SLC9C2: variants seen among roughly 807,000 people sequenced by gnomAD.
The protein encoded by SLC9C2 is solute carrier family 9 member C2 (putative).
A neutral mutation model predicts 140.2 loss-of-function variants in SLC9C2; 75 were observed. That is an observed-to-expected ratio of 0.53 (90% CI 0.44 to 0.65). SLC9C2 has a LOEUF of 0.65. Ranked by LOEUF, SLC9C2 falls within the 30% of genes least tolerant of loss-of-function variation. The pLI, the probability that SLC9C2 is intolerant of heterozygous loss-of-function variation, is 0.00. For missense variants in SLC9C2, 1,074 were observed against 1,331.8 expected (o/e 0.81, Z 3.01); for synonymous variants, 375 against 420.9 (o/e 0.89, Z 1.34).
intron 9 of SLC9C2, chr1:173,571,727 G>A (rs1400353146): frequency 6.6e-6 from 1 of 152,036 alleles, no homozygotes; most frequent in Non-Finnish European, 1.5e-5. Context: ...TGTCCTAAGT[G>A]CCTGGAACAA....
intron 13 of SLC9C2, among the ~76,000 whole-genome samples, chr1:173,546,205 G>A (rs1662836125): frequency 6.6e-6 from 1 of 152,178 alleles, no homozygotes; most frequent in African/African-American, 2.4e-5. Flanking sequence ...GTATAGAAAT[G>A]TTTAAAAGAA....
Position 173,548,388 on chromosome 1 carries a change from CAGGAATGT to C in SLC9C2, c.1454_1461del (p.Tyr485PhefsTer7), listed in dbSNP as rs1287513768. ...CTACTTTTTGCCAGGTATCAACTCA[CAGGAATGT>C]ATTCGATCCTCGTTTTATCTTCTAC... On this transcript the variant is annotated frameshift_variant and splice_region_variant, in exon 12 of 28. Coordinates refer to ENST00000367714, the MANE Select transcript of SLC9C2 (RefSeq NM_178527.4). LOFTEE classifies it high-confidence loss of function. The C allele has an allele frequency of 1.9e-6, 3 of 1,610,682 alleles. No homozygotes were observed. The African/African-American group carries it at 4.0e-5, about 22-fold the overall frequency.
chr1:173,571,581 T>C (rs1664846773), intron 9 of SLC9C2: 1 of 152,214 alleles, frequency 6.6e-6, no homozygotes. Context: ...TTTATTTTCA[T>C]AGTCTTTATT....
intron 8 of SLC9C2, among the ~76,000 whole-genome samples, chr1:173,574,731 TG>T (rs34818637): frequency 0.23 from 34,632 of 151,662 alleles, 5,131 homozygotes; most frequent in East Asian, 0.63. Flanking sequence ...AGGATGGTCT[TG>T]ATCTCCTGAC....
chr1:173,586,956 T>G (rs1327851919), intron 5 of SLC9C2, among the ~76,000 whole-genome samples: 3 of 152,082 alleles, frequency 2.0e-5, no homozygotes, highest in Non-Finnish European at 4.4e-5. Flanking sequence ...CATATACCTA[T>G]GTAACAAATC....
At chr1:173,509,789 T>G in intron 23 of SLC9C2, 90 bp from the exon 24 acceptor site, 4 of 1,276,430 alleles carry the variant, frequency 3.1e-6, no homozygotes, top group Non-Finnish European at 4.3e-6. Flanking sequence ...GATTTAACCT[T>G]CAGAAAAACT....
At chr1:173,596,255 T>G (rs1186425822) in intron 4 of SLC9C2, among the ~76,000 whole-genome samples, 2 of 152,242 alleles carry the variant, frequency 1.3e-5, no homozygotes, top group Non-Finnish European at 2.9e-5. Context: ...AAAGGTTTTG[T>G]AAACATAAGT....
Position 173,521,307 on chromosome 1 carries a change from C to A in SLC9C2, c.2733G>T (p.Met911Ile). Reference protein sequence around the residue: ...PQGIYLIISGMAILHSLSPTF... With the variant: ...PQGIYLIISGIAILHSLSPTF... ...AAAATCAATAGTCCCTTACAATTGC[C>A]ATTCCTGAAATAATTAAGTAGATTC... The change falls in exon 22 of 28, where the codon ATG (methionine) becomes ATT (isoleucine). Residue 911 changes from methionine (M) to isoleucine (I), a missense_variant. Transcript: ENST00000367714. 1 of 1,508,818 alleles carries A rather than the reference C, an allele frequency of 6.6e-7. No individual in the cohort carries two copies. The highest frequency in any genetic ancestry group is 2.5e-5 in the East Asian group (1 of 39,654). The allele number at this position is 1,508,818 out of a possible 1,614,324, so 93.5% of individuals were successfully genotyped here. A position where few individuals can be genotyped will look rare whatever the true frequency, so the allele number is the denominator to read the frequency against.
chr1:173,505,519 G>A (rs879825942), intron 25 of SLC9C2, among the ~76,000 whole-genome samples, 188 bp from the exon 26 acceptor site: 4 of 152,118 alleles, frequency 2.6e-5, no homozygotes, highest in Non-Finnish European at 4.4e-5. Flanking sequence ...AATTGTCCTT[G>A]CATATTTAGA....
In SLC9C2 at chr1:173,582,028, A is replaced by G; in HGVS notation, c.641-20T>C. 6.8e-7 allele frequency: 1 copy of G among 1,476,032 alleles called. No individual in the cohort carries two copies. Among genetic ancestry groups the G allele is most frequent in the Non-Finnish European group, 9.1e-7 (1 of 1,102,694 alleles). The allele number at this position is 1,476,032 out of a possible 1,614,324, so 91.4% of individuals were successfully genotyped here. A position where few individuals can be genotyped will look rare whatever the true frequency, so the allele number is the denominator to read the frequency against. On this transcript the variant is annotated intron_variant, in intron 6 of 27. Transcript: ENST00000367714. ...GTAAATCTAAAAAAAAGAAAGAAAA[A>G]ATAAGAAATAAAAACTTGAGCTATA...
intron 4 of SLC9C2, among the ~76,000 whole-genome samples, chr1:173,590,181 C>G (rs1666075698): frequency 6.8e-6 from 1 of 147,882 alleles, no homozygotes. Flanking sequence ...AAGCGGAGGT[C>G]ACAGTGAGCT....
At chr1:173,591,097 T>C (rs1666131287) in intron 4 of SLC9C2, among the ~76,000 whole-genome samples, 2 of 152,142 alleles carry the variant, frequency 1.3e-5, no homozygotes, top group African/African-American at 4.8e-5. Context: ...GTTCTCACCA[T>C]TTAGCTTCCA....
intron 19 of SLC9C2, among the ~76,000 whole-genome samples, chr1:173,525,385 G>C (rs1488302825): frequency 2.0e-5 from 3 of 152,174 alleles, no homozygotes; most frequent in African/African-American, 7.2e-5. Context: ...ACTGGACTGT[G>C]AGTCAAGGTT....
chr1:173,583,048 G>A (rs1276984072), intron 6 of SLC9C2, among the ~76,000 whole-genome samples: 3 of 152,188 alleles, frequency 2.0e-5, no homozygotes, highest in African/African-American at 4.8e-5. Flanking sequence ...GAACACACAT[G>A]CAGTCCTCCT....
rs530943890 is a variant in SLC9C2 at position 173,587,307 on chromosome 1, T to C, written c.523+358A>G. Among the ~76,000 whole-genome samples, 8 of 152,316 alleles carry C rather than the reference T, an allele frequency of 5.3e-5. No homozygotes were observed. The East Asian group carries it at 7.7e-4, about 15-fold the overall frequency. On this transcript the variant is annotated intron_variant, in intron 5 of 27. Coordinates refer to ENST00000367714, the MANE Select transcript of SLC9C2 (RefSeq NM_178527.4). ...TAGTCTCTTTAGGGATCTTTAATGT[T>C]TCCCCTTATTGGTAAACAAACTCAC... is the stretch of plus-strand genomic sequence containing the variant.
At chr1:173,568,752 G>A (rs547284726) in intron 9 of SLC9C2, among the ~76,000 whole-genome samples, 1 of 152,232 alleles carries the variant, frequency 6.6e-6, no homozygotes, top group South Asian at 2.1e-4. Flanking sequence ...ACTATTACCA[G>A]TAAGTCTGTG....
intron 4 of SLC9C2, 96 bp from the exon 5 acceptor site, chr1:173,587,926 T>C: frequency 1.1e-6 from 1 of 916,410 alleles, no homozygotes; most frequent in Non-Finnish European, 1.6e-6. Flanking sequence ...TGGTTGTAAA[T>C]GTTATACAAT....
chr1:173,519,251 C>T (rs1660636020), intron 22 of SLC9C2, among the ~76,000 whole-genome samples: 1 of 152,108 alleles, frequency 6.6e-6, no homozygotes, highest in African/African-American at 2.4e-5. Flanking sequence ...AAGAGAAGCT[C>T]TAGGAGCTCA....
intron 9 of SLC9C2, among the ~76,000 whole-genome samples, chr1:173,564,968 CT>C (rs564120430): frequency 8.7e-4 from 99 of 113,612 alleles, no homozygotes; most frequent in Middle Eastern, 5.9e-3. Context: ...TTTTCTTTTT[CT>C]TTTTTTTTTT....
Sources: allele counts gnomAD v4.1 joint callset (sites outside exome capture counted in the v4.1 genomes callset), GRCh38; gene constraint gnomAD v4.1.1; transcripts MANE v1.5; gene names NCBI Gene and HGNC (gene_info 2026-07-23, HGNC 2026-07-21).